Variants in PCDH11X observed in about 807,000 individuals in gnomAD.
PCDH11X encodes protocadherin-11 X-linked.
In PCDH11X, 18 loss-of-function variants were observed where a neutral mutation model predicts 53.3. The observed-to-expected ratio is 0.34, with a 90% confidence interval of 0.23 to 0.50. PCDH11X has a LOEUF of 0.50. Among genes scored for constraint, PCDH11X ranks in the 20% least tolerant of loss-of-function variants. PCDH11X has a pLI of 0.98. For synonymous variants in PCDH11X, 279 were observed against 393.3 expected (o/e 0.71, Z 3.44); for missense variants, 570 against 1,032.4 (o/e 0.55, Z 6.14).
chrX:92,014,779 G>A (rs998626908), intron 6 of PCDH11X, among the ~76,000 whole-genome samples: 19 of 111,272 alleles, frequency 1.7e-4, no homozygotes, highest in African/African-American at 4.9e-4. Context: ...GCAAACTATC[G>A]CAAGGAGAAA....
At chrX:92,434,112 TTATCTATC>T (rs913227300) in intron 9 of PCDH11X, among the ~76,000 whole-genome samples, 2 of 111,275 alleles carry the variant, frequency 1.8e-5, no homozygotes, top group Non-Finnish European at 3.8e-5. Context: ...AACCTAAATT[TTATCTATC>T]TATCTATCAT....
chrX:92,547,450 G>A (rs1356748085), intron 10 of PCDH11X, among the ~76,000 whole-genome samples: 1 of 109,194 alleles, frequency 9.2e-6, no homozygotes, highest in Non-Finnish European at 1.9e-5. Flanking sequence ...AGTTTCTAAG[G>A]GAAGATTAAA....
At chrX:92,063,741 G>A (rs942557285) in intron 6 of PCDH11X, among the ~76,000 whole-genome samples, 6 of 111,346 alleles carry the variant, frequency 5.4e-5, no homozygotes, top group Admixed American at 1.9e-4. Flanking sequence ...TTTCTTCTTC[G>A]ATGGCTTTGG....
intron 6 of PCDH11X, among the ~76,000 whole-genome samples, chrX:91,923,849 CAT>C (rs1276484123): frequency 1.8e-5 from 2 of 110,793 alleles, no homozygotes; most frequent in Non-Finnish European, 3.8e-5. Context: ...ATTAAGTACA[CAT>C]AGACATAAAG....
In PCDH11X at chrX:91,870,638, C is replaced by A. The variant is rs752533514; in HGVS notation, c.541-6143C>A. The stretch of plus-strand genomic sequence containing the variant: ...CTAAGTCCTAGTGGGAAAAAAAATA[C>A]ATGTATAATATCTTAAACCTTGTAT... On this transcript the variant is annotated intron_variant, in intron 5 of 10. Coordinates refer to ENST00000682573, the MANE Select transcript of PCDH11X (RefSeq NM_032968.5). Among the ~76,000 whole-genome samples the A allele has an allele frequency of 7.8e-4, 87 of 111,118 alleles. 1 individual carries two copies. The highest frequency in any genetic ancestry group is 2.7e-3 in the African/African-American group (84 of 30,726).
At chrX:92,494,788 T>C (rs1476591008) in intron 10 of PCDH11X, among the ~76,000 whole-genome samples, 2 of 95,133 alleles carry the variant, frequency 2.1e-5, no homozygotes, top group African/African-American at 7.7e-5. Context: ...TCACCAGTAT[T>C]TGTCAGCACA....
In PCDH11X at chrX:92,132,323, A is replaced by G. The variant is rs568874138; in HGVS notation, c.3034-69052A>G. Among the ~76,000 whole-genome samples the G allele has an allele frequency of 3.2e-4, 25 of 77,243 alleles. 1 individual carries two copies. The South Asian group carries it at 0.018, about 55-fold the overall frequency. The allele number at this position is 77,243 out of a possible 115,157, so 67.1% of individuals were successfully genotyped here. On this transcript the variant is annotated intron_variant, in intron 6 of 10. Coordinates refer to ENST00000682573, the MANE Select transcript of PCDH11X (RefSeq NM_032968.5). Reference sequence around the variant, plus strand: ...AAAAAAAAAAAAAAAAAAAAAAAAAAAGCCAGGCGCAGTGGCTCACGACGC... The same window carrying G: ...AAAAAAAAAAAAAAAAAAAAAAAAAGAGCCAGGCGCAGTGGCTCACGACGC...
chrX:92,147,842 T>TCTTTCTTTCTTTCTTTCTTG (rs2065306607), intron 6 of PCDH11X, among the ~76,000 whole-genome samples: 1 of 99,449 alleles, frequency 1.0e-5, no homozygotes, highest in African/African-American at 4.0e-5. Context: ...TTTCTTTCTT[T>TCTTTCTTTCTTTCTTTCTTG]CTTTCTTTCT....
Position 91,919,806 on chromosome X carries a change from G to A in PCDH11X, c.3033+40533G>A, listed in dbSNP as rs1206257788. Reference sequence around the variant, plus strand: ...AGAAAGTAAAAAAAATGAAGTTTAGGTTTGATAAAGATTACTTTTATGAGT... The same window carrying A: ...AGAAAGTAAAAAAAATGAAGTTTAGATTTGATAAAGATTACTTTTATGAGT... On this transcript the variant is annotated intron_variant, in intron 6 of 10. Coordinates refer to ENST00000682573, the MANE Select transcript of PCDH11X (RefSeq NM_032968.5). Among the ~76,000 whole-genome samples the A allele has an allele frequency of 2.7e-5, 3 of 111,655 alleles. No individual in the cohort carries two copies. In the East Asian group the frequency reaches 8.4e-4, roughly 31 times the overall value.
chrX:92,069,230 A>G (rs2063661720), intron 6 of PCDH11X, among the ~76,000 whole-genome samples: 1 of 109,419 alleles, frequency 9.1e-6, no homozygotes, highest in East Asian at 2.9e-4. Flanking sequence ...TATAATGACC[A>G]TTATTGTGTT....
rs1159292202 is a variant in PCDH11X at position 92,594,855 on chromosome X, T to C, written c.3368-23409T>C. Among the ~76,000 whole-genome samples, 232 of 108,283 alleles carry C rather than the reference T, an allele frequency of 2.1e-3. 2 individuals carry two copies. The highest frequency in any genetic ancestry group is 7.4e-3 in the African/African-American group (220 of 29,857). 94.0% of individuals were successfully genotyped at this position (108,283 alleles called of 115,157 possible). A position where few individuals can be genotyped will look rare whatever the true frequency, so the allele number is the denominator to read the frequency against. On this transcript the variant is annotated intron_variant, in intron 10 of 10. Coordinates refer to ENST00000682573, the MANE Select transcript of PCDH11X (RefSeq NM_032968.5). ...AAAACATTGCTATTTTTTTTGTTTGTTTGTTTTGGAGTCCAGCAAACCTTT... is the reference window on the plus strand; with the variant it reads ...AAAACATTGCTATTTTTTTTGTTTGCTTGTTTTGGAGTCCAGCAAACCTTT...
At chrX:91,843,876 G>T (rs1307430668) in intron 5 of PCDH11X, among the ~76,000 whole-genome samples, 1 of 111,198 alleles carries the variant, frequency 9.0e-6, no homozygotes, top group Non-Finnish European at 1.9e-5. Flanking sequence ...GATGACAATG[G>T]TAATTCTTGT....
At chrX:92,593,147 A>G (rs1265046965) in intron 10 of PCDH11X, among the ~76,000 whole-genome samples, 4 of 110,657 alleles carry the variant, frequency 3.6e-5, no homozygotes, top group Non-Finnish European at 7.6e-5. Context: ...ATTTGGTGTA[A>G]ATTAGGCAGG....
chrX:92,046,780 C>A (rs1266378684), intron 6 of PCDH11X, among the ~76,000 whole-genome samples: 1 of 109,773 alleles, frequency 9.1e-6, no homozygotes, highest in Non-Finnish European at 1.9e-5. Flanking sequence ...ACATTATAGT[C>A]AATTTTAGCA....
intron 8 of PCDH11X, among the ~76,000 whole-genome samples, chrX:92,344,603 A>G (rs2755386): frequency 0.2 from 18,402 of 92,911 alleles, 3,215 homozygotes; most frequent in East Asian, 0.77. Flanking sequence ...TCGTAGAAAT[A>G]TTGTTGATCA....
At position 92,620,693 on chromosome X, in the gene PCDH11X, C is replaced by T. The variant is rs1928417693; in HGVS notation, c.*1753C>T. ...GGTTAAGTAGCGTTTTCAGAATATA[C>T]ATTATTCCCATCCATTGTAAAGTTC... On this transcript the variant is annotated 3_prime_UTR_variant, in exon 11 of 11. Transcript: ENST00000682573. 9.0e-6 allele frequency: 1 copy of T among 110,932 alleles called. No individual in the cohort carries two copies. Among genetic ancestry groups the T allele is most frequent in the African/African-American group, 3.3e-5 (1 of 30,248 alleles). 9.1% of individuals were successfully genotyped at this position (110,932 alleles called of 1,213,427 possible). A position where few individuals can be genotyped will look rare whatever the true frequency, so the allele number is the denominator to read the frequency against.
chrX:92,447,561 C>A (rs2072682546), intron 9 of PCDH11X, among the ~76,000 whole-genome samples: 1 of 111,796 alleles, frequency 8.9e-6, no homozygotes, highest in African/African-American at 3.3e-5. Context: ...GGAACCTCTG[C>A]CTAGGTTTCA....
chrX:92,618,635 C>T lies in PCDH11X; in HGVS notation c.3739C>T (p.Pro1247Ser), dbSNP rs1478483955. 6.6e-6 allele frequency: 8 copies of T among 1,210,552 alleles called. No individual in the cohort carries two copies. In the South Asian group the frequency reaches 1.1e-4, roughly 16 times the overall value. The change falls in exon 11 of 11, where the codon CCT (proline) becomes TCT (serine). Residue 1247 changes from proline to serine, a missense_variant. Coordinates refer to ENST00000682573, the MANE Select transcript of PCDH11X (RefSeq NM_032968.5). Reference protein sequence around the residue: ...SAQASALCYSPPLAQAAAISH... With the variant: ...SAQASALCYSSPLAQAAAISH... ...ACAGGCCTCAGCCCTCTGCTACAGC[C>T]CTCCTTTAGCACAGGCTGCTGCAAT...
rs181877084 is a variant in PCDH11X, at chrX:92,099,029, C to T, written c.3034-102346C>T. On this transcript the variant is annotated intron_variant, in intron 6 of 10. Transcript: ENST00000682573. ...AAAGGGTAATGACATGCCATACTGGCCACATCAAGCATGTTTACAAAGTAT... is the reference window on the plus strand; with the variant it reads ...AAAGGGTAATGACATGCCATACTGGTCACATCAAGCATGTTTACAAAGTAT... Among the ~76,000 whole-genome samples, 387 of 111,971 alleles carry T rather than the reference C, an allele frequency of 3.5e-3. 4 individuals are homozygous for T. Among genetic ancestry groups the T allele is most frequent in the African/African-American group, 0.012 (372 of 30,798 alleles).
Sources: allele counts gnomAD v4.1 joint callset (sites outside exome capture counted in the v4.1 genomes callset), GRCh38; gene constraint gnomAD v4.1.1; transcripts MANE v1.5; gene names NCBI Gene and HGNC (gene_info 2026-07-23, HGNC 2026-07-21).